NSRP1: variants seen among roughly 807,000 people sequenced by gnomAD.
NSRP1 encodes nuclear speckle splicing regulatory protein 1.
NSRP1 carries 24 observed loss-of-function variants against 54.7 expected under a neutral mutation model. The observed-to-expected ratio is 0.44, with a 90% CI of 0.32 to 0.62. The LOEUF (loss-of-function observed/expected upper bound fraction) is 0.62. Ranked by LOEUF, NSRP1 falls within the 20% of genes least tolerant of loss-of-function variation. The probability of loss-of-function intolerance (pLI) is 0.06; values close to 1 mark genes in which losing one functional copy is unlikely to be tolerated. For missense variants in NSRP1, 596 were observed against 651.2 expected (o/e 0.92, Z 0.92); for synonymous variants, 210 against 213.8 (o/e 0.98, Z 0.15).
chr17:30,165,437 G>T (rs1904695896), intron 2 of NSRP1, among the ~76,000 whole-genome samples: 2 of 152,260 alleles, frequency 1.3e-5, no homozygotes, highest in East Asian at 3.9e-4. Flanking sequence ...TAGGTAAAGG[G>T]TACACAGTAC....
chr17:30,160,282 T>C (rs1458349998), intron 2 of NSRP1, among the ~76,000 whole-genome samples: 1 of 152,150 alleles, frequency 6.6e-6, no homozygotes, highest in African/African-American at 2.4e-5. Flanking sequence ...TGTTTTTTAA[T>C]GTTGTGCCTT....
At chr17:30,122,951 T>TA (rs1230217148) in intron 2 of NSRP1, among the ~76,000 whole-genome samples, 1 of 152,002 alleles carries the variant, frequency 6.6e-6, no homozygotes, top group Non-Finnish European at 1.5e-5. Context: ...TACCTTTTTT[T>TA]AAAAAAAATT....
rs569443892 is a variant in NSRP1 at position 30,186,094 on chromosome 17, C to G, written c.*420C>G. On this transcript the variant is annotated 3_prime_UTR_variant, in exon 7 of 7. Transcript: ENST00000247026. ...ACCAGCCTAGGCAGGATAATAAGAC[C>G]TTGTCTCTATTTAAAAAACAAAAAG... is the stretch of plus-strand genomic sequence containing the variant. 6.5e-6 allele frequency: 1 copy of G among 152,704 alleles called. No individual in the cohort carries two copies. Among genetic ancestry groups the G allele is most frequent in the Admixed American group, 6.5e-5 (1 of 15,300 alleles). 9.5% of individuals were successfully genotyped at this position (152,704 alleles called of 1,614,324 possible).
chr17:30,134,760 C>T (rs539561920), intron 2 of NSRP1, among the ~76,000 whole-genome samples: 1 of 152,230 alleles, frequency 6.6e-6, no homozygotes, highest in Non-Finnish European at 1.5e-5. Context: ...TCCAGAGTTT[C>T]AGAGAATGGA....
intron 2 of NSRP1, among the ~76,000 whole-genome samples, chr17:30,166,721 G>A (rs956189746): frequency 6.6e-6 from 1 of 152,084 alleles, no homozygotes; most frequent in Non-Finnish European, 1.5e-5. Context: ...CCAGGAGTTC[G>A]AGACCAGCCT....
chr17:30,151,869 G>A (rs1160018878), intron 2 of NSRP1, among the ~76,000 whole-genome samples: 1 of 135,688 alleles, frequency 7.4e-6, no homozygotes, highest in Non-Finnish European at 1.5e-5. Context: ...CGCATCCTCC[G>A]CCTCCTAGGT....
At chr17:30,118,948 A>G (rs2071571671) in intron 2 of NSRP1, among the ~76,000 whole-genome samples, 2 of 152,012 alleles carry the variant, frequency 1.3e-5, no homozygotes, top group Admixed American at 1.3e-4. Flanking sequence ...GGGTCTCACC[A>G]TGTTGGCCGG....
chr17:30,124,560 G>A (rs1054391467), intron 2 of NSRP1, among the ~76,000 whole-genome samples: 3 of 152,214 alleles, frequency 2.0e-5, no homozygotes, highest in African/African-American at 7.2e-5. Context: ...ATGCCAAAAA[G>A]GGCATGATGA....
At chr17:30,139,979 G>A (rs901873322) in intron 2 of NSRP1, among the ~76,000 whole-genome samples, 5 of 152,052 alleles carry the variant, frequency 3.3e-5, no homozygotes, top group Non-Finnish European at 7.4e-5. Context: ...AACCGAGATC[G>A]CACCACTGCA....
Position 30,159,076 on chromosome 17 carries a change from A to T in NSRP1, c.115-13466A>T, listed in dbSNP as rs757454645. 2.0e-5 allele frequency among the ~76,000 whole-genome samples: 3 copies of T among 152,146 alleles called. No individual in the cohort carries two copies. In the East Asian group the frequency reaches 5.8e-4, roughly 29 times the overall value. On this transcript the variant is annotated intron_variant, in intron 2 of 6. Coordinates refer to ENST00000247026, the MANE Select transcript of NSRP1 (RefSeq NM_032141.4). ...TAGAATGGTCATTTTCACCATATTA[A>T]TTCTTCCGATCCATGAACATGGGAT... is the stretch of plus-strand genomic sequence containing the variant.
intron 2 of NSRP1, among the ~76,000 whole-genome samples, chr17:30,127,610 C>T (rs1044245129): frequency 6.6e-6 from 1 of 152,058 alleles, no homozygotes; most frequent in African/African-American, 2.4e-5. Context: ...GACAGGGTCT[C>T]CCTCTGTTTC....
chr17:30,130,567 T>C (rs1361377533), intron 2 of NSRP1, among the ~76,000 whole-genome samples: 1 of 152,242 alleles, frequency 6.6e-6, no homozygotes, highest in Non-Finnish European at 1.5e-5. Context: ...GTGTAATATT[T>C]CTACAATAAC....
chr17:30,129,364 A>C (rs2071679710), intron 2 of NSRP1, among the ~76,000 whole-genome samples: 1 of 151,742 alleles, frequency 6.6e-6, no homozygotes, highest in African/African-American at 2.4e-5. Context: ...TTTTTTTTCA[A>C]AATCATATTA....
chr17:30,176,000 ACCC>A (rs61542606), intron 3 of NSRP1, among the ~76,000 whole-genome samples: 1 of 144,966 alleles, frequency 6.9e-6, no homozygotes, highest in Admixed American at 6.8e-5. Flanking sequence ...AAGACTCCGA[ACCC>A]CCCCCCCAAA....
chr17:30,169,083 G>A (rs2143007739), intron 2 of NSRP1, among the ~76,000 whole-genome samples: 1 of 152,092 alleles, frequency 6.6e-6, no homozygotes, highest in East Asian at 1.9e-4. Flanking sequence ...CTTCTAAACA[G>A]CTATGAACAT....
chr17:30,173,810 C>T (rs1401371400), intron 3 of NSRP1, among the ~76,000 whole-genome samples: 2 of 152,204 alleles, frequency 1.3e-5, no homozygotes, highest in Non-Finnish European at 2.9e-5. Context: ...CAAAACTAGA[C>T]AGTGAAACCT....
At chr17:30,173,675 T>G (rs933227580) in intron 3 of NSRP1, among the ~76,000 whole-genome samples, 1 of 152,234 alleles carries the variant, frequency 6.6e-6, no homozygotes, top group Non-Finnish European at 1.5e-5. Context: ...GATCTTTAAT[T>G]CTTACAATAA....
chr17:30,133,314 A>C (rs1256150294), intron 2 of NSRP1, among the ~76,000 whole-genome samples: 3 of 152,186 alleles, frequency 2.0e-5, no homozygotes, highest in Non-Finnish European at 4.4e-5. Context: ...CATTTGCTCC[A>C]GAATGGATAG....
At chr17:30,124,406 A>G (rs907374194) in intron 2 of NSRP1, among the ~76,000 whole-genome samples, 1 of 152,270 alleles carries the variant, frequency 6.6e-6, no homozygotes, top group Non-Finnish European at 1.5e-5. Flanking sequence ...TTAGCTAGCC[A>G]GTGGGTACAC....
Sources: allele counts gnomAD v4.1 joint callset (sites outside exome capture counted in the v4.1 genomes callset), GRCh38; gene constraint gnomAD v4.1.1; transcripts MANE v1.5; gene names NCBI Gene and HGNC (gene_info 2026-07-23, HGNC 2026-07-21).